TMED6: variants seen among roughly 807,000 people sequenced by gnomAD.
The protein encoded by TMED6 is transmembrane p24 trafficking protein 6.
A neutral mutation model predicts 26.5 loss-of-function variants in TMED6; 17 were observed. That is an observed-to-expected ratio of 0.64 (90% CI 0.44 to 0.96). The LOEUF (loss-of-function observed/expected upper bound fraction) is 0.96. TMED6 is among the 40% of genes least tolerant of loss of function. The pLI is 0.00. For missense variants in TMED6, 309 were observed against 296.5 expected (o/e 1.04, Z -0.31); for synonymous variants, 107 against 106.2 (o/e 1.01, Z -0.04).
intron 2 of TMED6, chr16:69,348,208 C>T (rs956714103): frequency 3.9e-5 from 11 of 280,210 alleles, no homozygotes; most frequent in Admixed American, 1.8e-4. Context: ...ATATAATTCC[C>T]ACATCTTGTA....
Position 69,348,876 on chromosome 16 carries a change from A to G in TMED6, c.340+649T>C, listed in dbSNP as rs28604554. 1.8e-3 allele frequency among the ~76,000 whole-genome samples: 273 copies of G among 152,282 alleles called. 1 individual carries two copies. The highest frequency in any genetic ancestry group is 6.4e-3 in the African/African-American group (265 of 41,554). The stretch of plus-strand genomic sequence containing the variant: ...GTGATCCGCCCACCTTGGCCTCCCA[A>G]AGTGCTGAGATTACAGGTGTGAGCC... On this transcript the variant is annotated intron_variant, in intron 2 of 3. Transcript: ENST00000288025.
At chr16:69,346,982 G>A (rs541257803) in intron 3 of TMED6, among the ~76,000 whole-genome samples, 4 of 152,208 alleles carry the variant, frequency 2.6e-5, no homozygotes, top group African/African-American at 9.6e-5. Flanking sequence ...AGGCTGCAGT[G>A]AGCTGTGATC....
At chr16:69,348,088 C>T in intron 2 of TMED6, 152 bp from the exon 3 acceptor site, 1 of 787,388 alleles carries the variant, frequency 1.3e-6, no homozygotes. Context: ...ACATGGAAGA[C>T]ACGGACCTTA....
chr16:69,350,706 A>G (rs560255350), intron 1 of TMED6, among the ~76,000 whole-genome samples: 1 of 152,266 alleles, frequency 6.6e-6, no homozygotes, highest in South Asian at 2.1e-4. Context: ...CAAGCACTCC[A>G]TGGACACTTG....
chr16:69,347,676 A>C, intron 3 of TMED6, 112 bp downstream of exon 3: 23 of 1,452,996 alleles, frequency 1.6e-5, no homozygotes, highest in Non-Finnish European at 1.9e-5. Context: ...TAATTTATGA[A>C]GAAATTCACA....
At position 69,343,338 on chromosome 16, in the gene TMED6, C is replaced by T. The variant is rs546476822; in HGVS notation, c.*69G>A. On this transcript the variant is annotated 3_prime_UTR_variant, in exon 4 of 4. Coordinates refer to ENST00000288025, the MANE Select transcript of TMED6 (RefSeq NM_144676.4). ...TTAATGAGATAATTGATTTTTGTCC[C>T]ATAACATTACAAAGCTGATTCGACT... The T allele has an allele frequency of 3.4e-5, 46 of 1,368,242 alleles. 2 individuals are homozygous for T. The Middle Eastern group carries it at 4.6e-3, about 136-fold the overall frequency. The allele number at this position is 1,368,242 out of a possible 1,614,324, so 84.8% of individuals were successfully genotyped here. A position where few individuals can be genotyped will look rare whatever the true frequency, so the allele number is the denominator to read the frequency against.
chr16:69,351,763 T>G lies in TMED6; in HGVS notation c.-10A>C, dbSNP rs376205887. 6.2e-7 allele frequency: 1 copy of G among 1,610,934 alleles called. No homozygotes were observed. Among genetic ancestry groups the G allele is most frequent in the African/African-American group, 1.3e-5 (1 of 74,814 alleles). ...AGAGCAAAGGGGACATGCCGCTTTC[T>G]GGAGCCTCCTCTGCAGGTGAACTGC... On this transcript the variant is annotated 5_prime_UTR_variant, in exon 1 of 4. Coordinates refer to ENST00000288025, the MANE Select transcript of TMED6 (RefSeq NM_144676.4).
intron 2 of TMED6, 62 bp from the exon 3 acceptor site, chr16:69,347,998 T>C (rs2012713484): frequency 5.7e-6 from 9 of 1,565,224 alleles, no homozygotes; most frequent in Admixed American, 3.6e-5. Context: ...AAGGATTCCC[T>C]GGAGGTATCT....
chr16:69,347,973 C>G, intron 2 of TMED6, 37 bp from the exon 3 acceptor site: 1 of 1,608,766 alleles, frequency 6.2e-7, no homozygotes, highest in Non-Finnish European at 8.5e-7. Flanking sequence ...AGTCTTTGGT[C>G]TCCTCCCCTT....
At chr16:69,343,976 A>G (rs1597230930) in intron 3 of TMED6, among the ~76,000 whole-genome samples, 1 of 151,206 alleles carries the variant, frequency 6.6e-6, no homozygotes, top group East Asian at 1.9e-4. Flanking sequence ...CTACAGGCAC[A>G]TGCCACTACA....
intron 1 of TMED6, among the ~76,000 whole-genome samples, chr16:69,350,265 C>CT (rs2012754758): frequency 7.2e-6 from 1 of 138,514 alleles, no homozygotes; most frequent in African/African-American, 2.8e-5. Flanking sequence ...GAGCAACACT[C>CT]TGTCAAAAAA....
Position 69,343,372 on chromosome 16 carries a change from G to A in TMED6, c.*35C>T. The A allele has an allele frequency of 3.2e-6, 5 of 1,569,360 alleles. No homozygotes were observed. In the South Asian group the frequency reaches 5.7e-5, roughly 18 times the overall value. On this transcript the variant is annotated 3_prime_UTR_variant, in exon 4 of 4. Coordinates refer to ENST00000288025, the MANE Select transcript of TMED6 (RefSeq NM_144676.4). Reference sequence around the variant, plus strand: ...ACAAAGCTGATTCGACTAAGCCCCAGAAGAAAACAGCCAGGGTGCTATAGT... The same window carrying A: ...ACAAAGCTGATTCGACTAAGCCCCAAAAGAAAACAGCCAGGGTGCTATAGT...
At chr16:69,350,007 C>T (rs1285174762) in intron 1 of TMED6, among the ~76,000 whole-genome samples, 1 of 152,086 alleles carries the variant, frequency 6.6e-6, no homozygotes, top group Non-Finnish European at 1.5e-5. Context: ...CGCGGTGGCT[C>T]ACGCCTGTAA....
intron 3 of TMED6, among the ~76,000 whole-genome samples, chr16:69,345,233 C>T (rs1220047044): frequency 4.0e-5 from 6 of 151,428 alleles, no homozygotes; most frequent in East Asian, 2.0e-4. Context: ...GCCAAGATCA[C>T]GCCACTGCAC....
intron 3 of TMED6, among the ~76,000 whole-genome samples, chr16:69,347,117 T>C (rs2012698590): frequency 6.6e-6 from 1 of 151,996 alleles, no homozygotes; most frequent in African/African-American, 2.4e-5. Flanking sequence ...GAATGGAGAA[T>C]GACTAATGGG....
intron 2 of TMED6, among the ~76,000 whole-genome samples, chr16:69,348,956 T>C (rs1202639313): frequency 2.0e-5 from 3 of 152,210 alleles, no homozygotes; most frequent in African/African-American, 7.2e-5. Context: ...CTGTGCTTCA[T>C]AGTGAAGGAC....
At chr16:69,343,730 A>G (rs2012629625) in intron 3 of TMED6, 90 bp from the exon 4 acceptor site, 1 of 965,990 alleles carries the variant, frequency 1.0e-6, no homozygotes, top group Non-Finnish European at 1.6e-6. Flanking sequence ...TCTCAAGTCA[A>G]ATAATTTACC....
intron 3 of TMED6, 85 bp downstream of exon 3, chr16:69,347,703 G>T: frequency 6.4e-7 from 1 of 1,561,674 alleles, no homozygotes; most frequent in Non-Finnish European, 8.7e-7. Flanking sequence ...TGCCTGTTTG[G>T]TTTCTACCTA....
chr16:69,343,712 C>T (rs2012629228), intron 3 of TMED6, 72 bp from the exon 4 acceptor site: 12 of 1,176,148 alleles, frequency 1.0e-5, no homozygotes, highest in Non-Finnish European at 1.5e-5. Context: ...CTCACTAGCA[C>T]TAACCTATCT....
Sources: gnomAD v4.1 joint callset for allele counts (sites outside exome capture counted in the v4.1 genomes callset) on GRCh38, gnomAD v4.1.1 for gene constraint, MANE v1.5 for transcripts, NCBI Gene and HGNC (gene_info 2026-07-23, HGNC 2026-07-21) for gene names.